Variants in MROH1 observed in about 807,000 individuals in gnomAD.
MROH1 encodes the protein maestro heat-like repeat-containing protein family member 1.
Under a neutral mutation model 116.5 loss-of-function variants are expected in MROH1, and 117 were observed. That is an observed-to-expected ratio of 1.00 (90% CI 0.86 to 1.17). MROH1 has a LOEUF of 1.17. Ranked by LOEUF, MROH1 falls within the 50% of genes most tolerant of loss-of-function variation. The pLI, the probability that MROH1 is intolerant of heterozygous loss-of-function variation, is 0.00. For synonymous variants in MROH1, 921 were observed against 583.9 expected, an observed-to-expected ratio of 1.58 and a Z score of -8.32; for missense variants, 1,873 against 1,338.5, an observed-to-expected ratio of 1.40 and a Z score of -6.23.
rs1459866207 is a variant in MROH1, at chr8:144,240,358, C to A, written c.1827+205C>A. Among the ~76,000 whole-genome samples the A allele has an allele frequency of 1.2e-4, 19 of 152,286 alleles. 2 individuals are homozygous for A. Among genetic ancestry groups the A allele is most frequent in the African/African-American group, 4.3e-4 (18 of 41,562 alleles). ...GACAAGGCACCGGCCCTCTAGCAGT[C>A]GCAGCCCCAAGCGTCGGGGGCAACC... On this transcript the variant is annotated intron_variant, in intron 19 of 43. Transcript: ENST00000326134.
intron 29 of MROH1, 138 bp from the exon 30 acceptor site, chr8:144,247,163 G>A: frequency 3.0e-6 from 2 of 666,132 alleles, no homozygotes; most frequent in Non-Finnish European, 5.5e-6. Flanking sequence ...GAGCTGTGTT[G>A]GCCACACTGA....
chr8:144,159,336 C>A (rs748997367), intron 1 of MROH1, among the ~76,000 whole-genome samples: 3 of 152,004 alleles, frequency 2.0e-5, no homozygotes, highest in African/African-American at 7.2e-5. Flanking sequence ...CCAGCCTGGG[C>A]GACAAAAGCG....
chr8:144,260,145 C>T (rs1368502666), intron 38 of MROH1, 41 bp from the exon 39 acceptor site: 20 of 760,972 alleles, frequency 2.6e-5, no homozygotes, highest in South Asian at 6.8e-5. Flanking sequence ...GGGTAGCAGA[C>T]GGTGACTCTG....
chr8:144,190,906 C>T lies in MROH1; in HGVS notation c.685C>T (p.His229Tyr), dbSNP rs550140247. The part of the protein sequence containing the change: ...DIFSAYDVLF[H>Y]QWLQSREAKL... ...CTTCAGCGCCTACGATGTTCTCTTC[C>T]ATCAGTGGCTGCAGAGTCGAGAAGC... Residue 229 changes from histidine (H) to tyrosine (Y), a missense_variant, in exon 8 of 44, where the codon CAT (histidine) becomes TAT (tyrosine). By Grantham distance (83) the His-to-Tyr change is moderately conservative (BLOSUM62 2). Coordinates refer to ENST00000326134, the MANE Select transcript of MROH1 (RefSeq NM_032450.3). 8.1e-6 allele frequency: 13 copies of T among 1,613,674 alleles called. No homozygotes were observed. The South Asian group carries it at 1.1e-4, about 14-fold the overall frequency.
At chr8:144,202,627 G>A (rs941638184) in intron 12 of MROH1, among the ~76,000 whole-genome samples, 6 of 54,298 alleles carry the variant, frequency 1.1e-4, no homozygotes, top group African/African-American at 1.8e-4. Context: ...TGGAGGGGTG[G>A]GGAGGGGAGC....
At chr8:144,153,448 C>T (rs978722571) in intron 1 of MROH1, among the ~76,000 whole-genome samples, 292 of 152,266 alleles carry the variant, frequency 1.9e-3, no homozygotes, top group Non-Finnish European at 1.4e-3. Flanking sequence ...CCACCTGCTT[C>T]GGCCTCCCAA....
chr8:144,260,371 CAG>C lies in MROH1; in HGVS notation c.4378_4379del (p.Ser1460Ter). 1.4e-6 allele frequency: 1 copy of C among 718,116 alleles called. No homozygotes were observed. The highest frequency in any genetic ancestry group is 2.5e-6 in the Non-Finnish European group (1 of 392,420). The allele number at this position is 718,116 out of a possible 1,614,324, so 44.5% of individuals were successfully genotyped here. ...VAIRIRPFFD[S>X]EKMEFRTASI... Reference sequence around the variant, plus strand: ...CCATCCGCATCCGGCCTTTCTTCGACAGTGTAGGCTGGTTGGGGCAGGGGGAG... The same window carrying C: ...CCATCCGCATCCGGCCTTTCTTCGACTGTAGGCTGGTTGGGGCAGGGGGAG... On this transcript the variant is annotated frameshift_variant and splice_region_variant, in exon 39 of 44. Coordinates refer to ENST00000326134, the MANE Select transcript of MROH1 (RefSeq NM_032450.3). LOFTEE classifies it high-confidence loss of function.
chr8:144,201,621 C>A (rs1008285690), intron 12 of MROH1, among the ~76,000 whole-genome samples: 1 of 152,178 alleles, frequency 6.6e-6, no homozygotes, highest in South Asian at 2.1e-4. Context: ...GCGCACTGCC[C>A]CCTGTACTGA....
intron 12 of MROH1, chr8:144,214,499 C>A (rs1834846115): frequency 6.6e-6 from 1 of 152,172 alleles, no homozygotes; most frequent in Admixed American, 6.6e-5. Flanking sequence ...CAGGTAAACC[C>A]CGGTGCATGT....
chr8:144,192,009 C>A (rs1828736620), intron 9 of MROH1, among the ~76,000 whole-genome samples, 154 bp downstream of exon 9: 1 of 152,130 alleles, frequency 6.6e-6, no homozygotes, highest in Non-Finnish European at 1.5e-5. Flanking sequence ...AAGGACAGGG[C>A]CCTCGTGGGG....
chr8:144,177,530 G>A (rs1258654243), intron 4 of MROH1, among the ~76,000 whole-genome samples: 1 of 152,178 alleles, frequency 6.6e-6, no homozygotes, highest in African/African-American at 2.4e-5. Context: ...CTCCTATGTG[G>A]GCCCACCTCC....
intron 10 of MROH1, among the ~76,000 whole-genome samples, chr8:144,198,102 T>G (rs1419003914): frequency 6.6e-6 from 1 of 151,064 alleles, no homozygotes; most frequent in East Asian, 1.9e-4. Context: ...CCTGGGAACG[T>G]AGAGCCGAGC....
rs1314989089 is a variant in MROH1, at chr8:144,241,464, T to A, written c.2125T>A (p.Phe709Ile). The A allele has an allele frequency of 2.6e-6, 2 of 778,724 alleles. No homozygotes were observed. The highest frequency in any genetic ancestry group is 3.4e-5 in the African/African-American group (2 of 59,190). The allele number at this position is 778,724 out of a possible 1,614,324, so 48.2% of individuals were successfully genotyped here. A position where few individuals can be genotyped will look rare whatever the true frequency, so the allele number is the denominator to read the frequency against. Residue 709 changes from phenylalanine to isoleucine, a missense_variant, in exon 22 of 44, where the codon TTC (phenylalanine) becomes ATC (isoleucine). Transcript: ENST00000326134. ...GGACACGCTGGCCCAGCTGGAGGAC[T>A]TCGTGAGGTCAGAGGTCTTCAGAAA... Reference protein sequence around the residue: ...LEDTLAQLEDFVRSEVFRKSI... With the variant: ...LEDTLAQLEDIVRSEVFRKSI...
At chr8:144,254,679 T>C in intron 33 of MROH1, 134 bp from the exon 34 acceptor site, 1 of 608,608 alleles carries the variant, frequency 1.6e-6, no homozygotes, top group Non-Finnish European at 3.0e-6. Context: ...AAGAGGCCAT[T>C]TCCCAGCTGG....
chr8:144,165,071 A>C (rs1683106513), intron 3 of MROH1, among the ~76,000 whole-genome samples: 1 of 150,012 alleles, frequency 6.7e-6, no homozygotes, highest in Non-Finnish European at 1.5e-5. Flanking sequence ...CCATCCTCCC[A>C]CCTCAGCCTC....
At chr8:144,246,123 T>C in intron 29 of MROH1, among the ~76,000 whole-genome samples, 1 of 142,682 alleles carries the variant, frequency 7.0e-6, no homozygotes, top group Non-Finnish European at 1.5e-5. Context: ...TTTCTTTCCT[T>C]TCTGAGACCG....
chr8:144,249,706 C>A (rs1004957933), intron 32 of MROH1, among the ~76,000 whole-genome samples: 1 of 152,192 alleles, frequency 6.6e-6, no homozygotes, highest in South Asian at 2.1e-4. Context: ...CTCACAGCCC[C>A]CCCCAAGTCC....
Position 144,162,958 on chromosome 8 carries a change from A to C in MROH1, c.-56-813A>C, listed in dbSNP as rs531590192. On this transcript the variant is annotated intron_variant, in intron 2 of 43. Transcript: ENST00000326134. The stretch of plus-strand genomic sequence containing the variant: ...GGCTGGTCTCGAACTCCTGACCTCA[A>C]ACAATCCACCCACCTTGGCCTCCCA... Among the ~76,000 whole-genome samples the C allele has an allele frequency of 5.7e-4, 87 of 152,082 alleles. 1 individual carries two copies. Among genetic ancestry groups the C allele is most frequent in the Admixed American group, 2.2e-3 (33 of 15,270 alleles).
chr8:144,223,569 CCT>C (rs1477405223), intron 14 of MROH1, among the ~76,000 whole-genome samples: 1 of 152,162 alleles, frequency 6.6e-6, no homozygotes. Flanking sequence ...TTGAGCCAGT[CCT>C]CTCAGCAGCT....
Sources: allele counts gnomAD v4.1 joint callset (sites outside exome capture counted in the v4.1 genomes callset), GRCh38; gene constraint gnomAD v4.1.1; transcripts MANE v1.5; gene names NCBI Gene and HGNC (gene_info 2026-07-23, HGNC 2026-07-21).